ALDH18A1: variants seen among roughly 807,000 people sequenced by gnomAD.
ALDH18A1 encodes aldehyde dehydrogenase 18 family member A1.
In ALDH18A1, 44 loss-of-function variants were observed where a neutral mutation model predicts 88.8. The ratio of observed to expected loss-of-function variants is 0.50; its 90% CI spans 0.39 to 0.64. The LOEUF is 0.64. Among genes scored for constraint, ALDH18A1 ranks in the 30% least tolerant of loss-of-function variants. The probability of loss-of-function intolerance (pLI) is 0.00; values close to 1 mark genes in which losing one functional copy is unlikely to be tolerated. For missense variants in ALDH18A1, 782 were observed against 1,009.5 expected, an observed-to-expected ratio of 0.77 and a Z score of 3.05; for synonymous variants, 331 against 372.1, an observed-to-expected ratio of 0.89 and a Z score of 1.27.
chr10:95,621,053 G>A lies in ALDH18A1; in HGVS notation c.1445C>T (p.Ser482Phe), dbSNP rs937571172. Residue 482 changes from serine (S) to phenylalanine (F), a missense_variant, in exon 12 of 18, where the codon TCT (serine) becomes TTT (phenylalanine). By Grantham distance (155) the Ser-to-Phe change is radical. Around this residue, in one of 3 missense-constraint regions of ALDH18A1, gnomAD observed 556 missense variants for 654.5 expected, o/e 0.85. Coordinates refer to ENST00000371224, the MANE Select transcript of ALDH18A1 (RefSeq NM_002860.4). Reference sequence around the variant, plus strand: ...CACCTGGGGTAGACAGTCAGGACGAGATTCAAAGATCACCAGCAGAACTCC... The same window carrying A: ...CACCTGGGGTAGACAGTCAGGACGAAATTCAAAGATCACCAGCAGAACTCC... ...PIGVLLVIFESRPDCLPQVAA... is the reference protein window; with the variant it reads ...PIGVLLVIFEFRPDCLPQVAA... 1 of 1,614,078 alleles carries A rather than the reference G, an allele frequency of 6.2e-7. No homozygotes were observed. The highest frequency in any genetic ancestry group is 8.5e-7 in the Non-Finnish European group (1 of 1,180,032).
chr10:95,627,697 T>C (rs776122435), intron 8 of ALDH18A1, 111 bp from the exon 9 acceptor site: 64 of 1,294,726 alleles, frequency 4.9e-5, no homozygotes, highest in Non-Finnish European at 6.8e-5. Context: ...CTTAAGTATA[T>C]GAGAGAATGT....
chr10:95,607,317 T>G (rs1277939029), intron 17 of ALDH18A1, among the ~76,000 whole-genome samples: 2 of 152,244 alleles, frequency 1.3e-5, no homozygotes, highest in Admixed American at 6.5e-5. Context: ...TGGTTTCACC[T>G]CCTCAAATAC....
chr10:95,654,268 G>T (rs914309165), intron 1 of ALDH18A1, among the ~76,000 whole-genome samples: 1 of 150,892 alleles, frequency 6.6e-6, no homozygotes, highest in African/African-American at 2.4e-5. Flanking sequence ...GGGTTCAAGT[G>T]ATTCCCCTGC....
chr10:95,646,930 T>G (rs1037047419), intron 2 of ALDH18A1, among the ~76,000 whole-genome samples: 1 of 152,172 alleles, frequency 6.6e-6, no homozygotes, highest in Non-Finnish European at 1.5e-5. Context: ...TTATGCCCAG[T>G]AACCAATGAG....
At chr10:95,650,141 G>A (rs58059905) in intron 2 of ALDH18A1, among the ~76,000 whole-genome samples, 11,845 of 152,064 alleles carry the variant, frequency 0.078, 543 homozygotes, top group African/African-American at 0.11. Flanking sequence ...AAAAACATAC[G>A]AGAAAATCTT....
At chr10:95,616,980 C>T (rs1402418240) in intron 12 of ALDH18A1, among the ~76,000 whole-genome samples, 1 of 152,200 alleles carries the variant, frequency 6.6e-6, no homozygotes, top group African/African-American at 2.4e-5. Context: ...GGTATGGTGG[C>T]TCACGCCTGT....
chr10:95,639,718 C>T (rs1333573171), intron 3 of ALDH18A1, among the ~76,000 whole-genome samples: 2 of 151,904 alleles, frequency 1.3e-5, no homozygotes, highest in Admixed American at 6.6e-5. Flanking sequence ...CAAATTAAAC[C>T]CTGCATTACA....
At chr10:95,630,450 T>C (rs1045025409) in intron 7 of ALDH18A1, among the ~76,000 whole-genome samples, 2 of 152,226 alleles carry the variant, frequency 1.3e-5, no homozygotes, top group Non-Finnish European at 2.9e-5. Context: ...CCGTGGCTCA[T>C]GCCTGTAATC....
intron 16 of ALDH18A1, among the ~76,000 whole-genome samples, chr10:95,610,905 G>A (rs911489246): frequency 6.6e-6 from 1 of 152,180 alleles, no homozygotes; most frequent in Non-Finnish European, 1.5e-5. Context: ...TGGAATAAAT[G>A]AATGAATGAA....
chr10:95,653,578 G>A (rs1294963084), intron 1 of ALDH18A1, among the ~76,000 whole-genome samples, 173 bp from the exon 2 acceptor site: 1 of 152,066 alleles, frequency 6.6e-6, no homozygotes, highest in Non-Finnish European at 1.5e-5. Flanking sequence ...GAAAAAGTAA[G>A]TGGCTCCTTT....
chr10:95,617,064 T>C (rs2097845374), intron 12 of ALDH18A1, among the ~76,000 whole-genome samples: 1 of 152,176 alleles, frequency 6.6e-6, no homozygotes, highest in Admixed American at 6.5e-5. Flanking sequence ...CTGACCAACA[T>C]GGTGAAACCC....
At chr10:95,634,886 G>C (rs1476216754) in intron 5 of ALDH18A1, among the ~76,000 whole-genome samples, 6 of 152,178 alleles carry the variant, frequency 3.9e-5, no homozygotes, top group Non-Finnish European at 8.8e-5. Flanking sequence ...TTGCTGTGTA[G>C]GGCAGGATGA....
intron 7 of ALDH18A1, among the ~76,000 whole-genome samples, chr10:95,632,307 T>C (rs2097871682): frequency 6.6e-6 from 1 of 152,200 alleles, no homozygotes; most frequent in Non-Finnish European, 1.5e-5. Flanking sequence ...TACAAATGAC[T>C]GTGGTTTTGG....
At chr10:95,629,545 C>A (rs2097865058) in intron 7 of ALDH18A1, among the ~76,000 whole-genome samples, 1 of 152,144 alleles carries the variant, frequency 6.6e-6, no homozygotes, top group African/African-American at 2.4e-5. Flanking sequence ...CAACCTACTA[C>A]TCCACAACTC....
At chr10:95,639,339 TAAAAAG>T (rs1033210310) in intron 3 of ALDH18A1, among the ~76,000 whole-genome samples, 35 of 151,586 alleles carry the variant, frequency 2.3e-4, no homozygotes, top group Admixed American at 1.3e-3. Flanking sequence ...CTAAAATAAA[TAAAAAG>T]AAAAAGAAAA....
intron 2 of ALDH18A1, among the ~76,000 whole-genome samples, chr10:95,644,324 C>T (rs542662537): frequency 1.4e-4 from 21 of 152,318 alleles, no homozygotes; most frequent in Admixed American, 8.5e-4. Flanking sequence ...ATGTTAGAGT[C>T]AGATACTTTC....
At chr10:95,650,169 C>T (rs530699327) in intron 2 of ALDH18A1, among the ~76,000 whole-genome samples, 1 of 152,162 alleles carries the variant, frequency 6.6e-6, no homozygotes, top group Admixed American at 6.5e-5. Flanking sequence ...CGGGGTTATA[C>T]AAAGAGTTCT....
At chr10:95,614,758 T>C (rs1032122129) in intron 13 of ALDH18A1, among the ~76,000 whole-genome samples, 1 of 152,204 alleles carries the variant, frequency 6.6e-6, no homozygotes, top group Non-Finnish European at 1.5e-5. Flanking sequence ...TTAATTTTTC[T>C]CCACATGGTC....
chr10:95,613,700 T>A, intron 15 of ALDH18A1, 42 bp downstream of exon 15: 1 of 1,613,018 alleles, frequency 6.2e-7, no homozygotes, highest in East Asian at 2.2e-5. Flanking sequence ...TCCACAGGCT[T>A]CTAAGACAGG....
Sources: gnomAD v4.1 joint callset for allele counts (sites outside exome capture counted in the v4.1 genomes callset) on GRCh38, gnomAD v4.1.1 for gene constraint, gnomAD v4.1.1 regional missense constraint, MANE v1.5 for transcripts, NCBI Gene and HGNC (gene_info 2026-07-23, HGNC 2026-07-21) for gene names.